Variants in SAMD12 observed in about 807,000 individuals in gnomAD.
SAMD12 encodes sterile alpha motif domain-containing protein 12.
A neutral mutation model predicts 15.0 loss-of-function variants in SAMD12; 9 were observed. That is an observed-to-expected ratio of 0.60 (90% CI 0.36 to 1.05). The LOEUF (loss-of-function observed/expected upper bound fraction) is 1.05. Among genes scored for constraint, SAMD12 ranks in the 50% least tolerant of loss-of-function variants. The pLI, the probability that SAMD12 is intolerant of heterozygous loss-of-function variation, is 0.01. For missense variants in SAMD12, 230 were observed against 234.2 expected, an observed-to-expected ratio of 0.98 and a Z score of 0.12; for synonymous variants, 86 against 90.1, an observed-to-expected ratio of 0.96 and a Z score of 0.25.
chr8:118,360,191 G>A (rs1362261435), intron 4 of SAMD12, among the ~76,000 whole-genome samples: 1 of 152,102 alleles, frequency 6.6e-6, no homozygotes, highest in African/African-American at 2.4e-5. Context: ...TGAATAGGAT[G>A]GGCTCCCTGG....
chr8:118,536,950 TGTAGGACAG>T (rs1259621035), intron 2 of SAMD12, among the ~76,000 whole-genome samples: 1 of 152,258 alleles, frequency 6.6e-6, no homozygotes, highest in African/African-American at 2.4e-5. Context: ...TAGTATTTCT[TGTAGGACAG>T]GTCTGGTGTT....
rs534250146 is a variant in SAMD12, at chr8:118,389,278, T to C, written c.323-9578A>G. Among the ~76,000 whole-genome samples, 5 of 152,372 alleles carry C rather than the reference T, an allele frequency of 3.3e-5. No homozygotes were observed. The South Asian group carries it at 8.3e-4, about 25-fold the overall frequency. Reference sequence around the variant, plus strand: ...AATCTGACTGCATATTTATGTATGCTTGATGCATCAGGGCAACCTCCTTAT... The same window carrying C: ...AATCTGACTGCATATTTATGTATGCCTGATGCATCAGGGCAACCTCCTTAT... On this transcript the variant is annotated intron_variant, in intron 3 of 3. Transcript: ENST00000314727.
chr8:118,291,701 A>G (rs1034592664), intron 4 of SAMD12, among the ~76,000 whole-genome samples: 2 of 151,740 alleles, frequency 1.3e-5, no homozygotes, highest in African/African-American at 4.8e-5. Context: ...TTTTTCTAAC[A>G]CAGAAGAGAA....
intron 2 of SAMD12, among the ~76,000 whole-genome samples, chr8:118,452,111 T>C (rs4876842): frequency 0.73 from 110,767 of 152,046 alleles, 40,804 homozygotes; most frequent in African/African-American, 0.84. Context: ...GAGGGTGGCC[T>C]CTGTGCAAAA....
Position 118,580,812 on chromosome 8 carries a change from C to T in SAMD12, c.95G>A (p.Gly32Asp), listed in dbSNP as rs751568650. 5.0e-6 allele frequency: 8 copies of T among 1,612,818 alleles called. No individual in the cohort carries two copies. Among genetic ancestry groups the T allele is most frequent in the East Asian group, 2.2e-5 (1 of 44,866 alleles). ...EGIKLQIEGE[G>D]VESQSIKNKN... ...ATTTTTAATGGATTGAGATTCCACA[C>T]CTTCACCTTCAATTTGCAGTTTAAT... Residue 32 changes from glycine to aspartate, a missense_variant, in exon 2 of 4, where the codon GGT (glycine) becomes GAT (aspartate). Transcript: ENST00000314727.
chr8:118,134,752 G>A, the SAMD12 span, among the ~76,000 whole-genome samples: 4 of 152,136 alleles, frequency 2.6e-5, no homozygotes, highest in Admixed American at 6.5e-5. Flanking sequence ...TAACTTGTCC[G>A]CTGTTTAATC....
chr8:118,447,811 C>T (rs377765771), intron 2 of SAMD12, among the ~76,000 whole-genome samples: 4 of 151,286 alleles, frequency 2.6e-5, no homozygotes, highest in South Asian at 2.1e-4. Context: ...CTTCAAGCTC[C>T]GCCTCCCGGG....
At chr8:118,427,160 T>A (rs1209105160) in intron 3 of SAMD12, among the ~76,000 whole-genome samples, 1 of 152,226 alleles carries the variant, frequency 6.6e-6, no homozygotes, top group South Asian at 2.1e-4. Flanking sequence ...AATTTCTCTA[T>A]AAGTATCTAT....
At chr8:118,196,929 T>C (rs1357261148) in exon 5 of SAMD12, 2 of 152,212 alleles carry the variant, frequency 1.3e-5, no homozygotes, top group African/African-American at 2.4e-5. Context: ...CTGGACCCCC[T>C]TCTTCTTCCC....
intron 2 of SAMD12, among the ~76,000 whole-genome samples, chr8:118,558,765 G>A (rs1251114700): frequency 1.3e-5 from 2 of 151,918 alleles, no homozygotes; most frequent in African/African-American, 2.4e-5. Flanking sequence ...CACTGTGTTA[G>A]CCAGGATGAT....
At chr8:118,304,685 G>A (rs535713189) in intron 4 of SAMD12, among the ~76,000 whole-genome samples, 8 of 151,676 alleles carry the variant, frequency 5.3e-5, no homozygotes, top group South Asian at 2.1e-4. Context: ...GCGTGAACCC[G>A]GGAGGTGGAG....
At chr8:118,434,731 C>G (rs1418323458) in intron 3 of SAMD12, among the ~76,000 whole-genome samples, 4 of 152,192 alleles carry the variant, frequency 2.6e-5, no homozygotes. Context: ...AATTTCTTTC[C>G]TTTAAACCTA....
intron 1 of SAMD12, among the ~76,000 whole-genome samples, chr8:118,607,095 T>G (rs1828003624): frequency 6.6e-6 from 1 of 152,172 alleles, no homozygotes; most frequent in African/African-American, 2.4e-5. Flanking sequence ...TTAGAAGTCC[T>G]CCTATTCCAT....
intron 2 of SAMD12, among the ~76,000 whole-genome samples, chr8:118,532,379 A>T (rs201544840): frequency 7.0e-6 from 1 of 141,944 alleles, no homozygotes; most frequent in East Asian, 2.0e-4. Flanking sequence ...GTTCATCAGG[A>T]ATATTGGTCT....
chr8:118,353,656 A>AT (rs1438717964), intron 4 of SAMD12, among the ~76,000 whole-genome samples: 5 of 152,156 alleles, frequency 3.3e-5, no homozygotes, highest in African/African-American at 1.2e-4. Context: ...CTAAGACATT[A>AT]TTATTTTTTT....
intron 3 of SAMD12, among the ~76,000 whole-genome samples, chr8:118,413,399 T>C (rs1586687690): frequency 6.6e-6 from 1 of 152,172 alleles, no homozygotes; most frequent in East Asian, 1.9e-4. Context: ...TTTAATCTGC[T>C]ATTTTATCTT....
the SAMD12 span, among the ~76,000 whole-genome samples, chr8:118,145,923 G>T: frequency 6.6e-6 from 1 of 152,220 alleles, no homozygotes; most frequent in East Asian, 1.9e-4. Context: ...TTAACAGCTG[G>T]AGGCTGTCAG....
At chr8:118,439,093 T>C (rs745773001) in intron 3 of SAMD12, among the ~76,000 whole-genome samples, 3 of 152,110 alleles carry the variant, frequency 2.0e-5, no homozygotes, top group Non-Finnish European at 4.4e-5. Flanking sequence ...CATCCCCCAA[T>C]TGAGAGACTT....
downstream of SAMD12, among the ~76,000 whole-genome samples, chr8:118,189,289 T>C (rs1286369017): frequency 6.6e-6 from 1 of 152,204 alleles, no homozygotes; most frequent in Non-Finnish European, 1.5e-5. Context: ...AAACACAGCA[T>C]AATTGAGGAC....
Sources: gnomAD v4.1 joint callset for allele counts (sites outside exome capture counted in the v4.1 genomes callset) on GRCh38, gnomAD v4.1.1 for gene constraint, MANE v1.5 for transcripts, NCBI Gene and HGNC (gene_info 2026-07-23, HGNC 2026-07-21) for gene names.